The following INPP4B variants were observed in gnomAD, a reference collection of about 807,000 sequenced individuals.
INPP4B encodes inositol polyphosphate-4-phosphatase type II B, also known as inositol polyphosphate 4-phosphatase type II.
INPP4B carries 55 observed loss-of-function variants against 122.5 expected under a neutral mutation model. That is an observed-to-expected ratio of 0.45 (90% CI 0.36 to 0.56). The LOEUF is 0.56. Among genes scored for constraint, INPP4B ranks in the 20% least tolerant of loss-of-function variants. The probability of loss-of-function intolerance (pLI) is 0.00; values close to 1 mark genes in which losing one functional copy is unlikely to be tolerated. For synonymous variants in INPP4B, 403 were observed against 388.7 expected, an observed-to-expected ratio of 1.04 and a Z score of -0.43; for missense variants, 1,000 against 1,097.7, an observed-to-expected ratio of 0.91 and a Z score of 1.26.
chr4:142,613,583 G>A (rs964145574), intron 2 of INPP4B, among the ~76,000 whole-genome samples: 2 of 152,122 alleles, frequency 1.3e-5, no homozygotes, highest in Admixed American at 1.3e-4. Context: ...TCTTTGTAAA[G>A]ACCCTTGACT....
chr4:142,794,797 A>T (rs1777013111), intron 1 of INPP4B, among the ~76,000 whole-genome samples: 1 of 151,906 alleles, frequency 6.6e-6, no homozygotes, highest in Non-Finnish European at 1.5e-5. Context: ...AAGGAGCAAT[A>T]AAAAAACCCC....
chr4:142,806,685 A>G (rs566306677), intron 1 of INPP4B, among the ~76,000 whole-genome samples: 123 of 151,746 alleles, frequency 8.1e-4, no homozygotes, highest in African/African-American at 2.9e-3. Context: ...CGGAGGTTGC[A>G]GTGAGCTGAC....
In INPP4B at chr4:142,657,532, A is replaced by G. The variant is rs569955612; in HGVS notation, c.-191+68307T>C. Among the ~76,000 whole-genome samples, 18 of 152,348 alleles carry G rather than the reference A, an allele frequency of 1.2e-4. No homozygotes were observed. In the South Asian group the frequency reaches 1.2e-3, roughly 11 times the overall value. ...TTGAAACTACTAGAAATAGATTTAC[A>G]TGCAGGGTGTGTAAGAACAGTAAAA... is the stretch of plus-strand genomic sequence containing the variant. On this transcript the variant is annotated intron_variant, in intron 2 of 25. Transcript: ENST00000262992.
chr4:142,086,424 C>G (rs557283526), intron 23 of INPP4B, among the ~76,000 whole-genome samples, 168 bp from the exon 24 acceptor site: 1 of 152,330 alleles, frequency 6.6e-6, no homozygotes, highest in South Asian at 2.1e-4. Flanking sequence ...TCTCTGCTCA[C>G]TGCAGCCCAG....
intron 1 of INPP4B, among the ~76,000 whole-genome samples, chr4:142,751,231 A>C (rs1769646471): frequency 6.6e-6 from 1 of 150,614 alleles, no homozygotes. Flanking sequence ...GCAAACAGAA[A>C]GTTTTGTTTC....
At chr4:142,125,410 A>G (rs1055689097) in intron 18 of INPP4B, among the ~76,000 whole-genome samples, 2 of 152,098 alleles carry the variant, frequency 1.3e-5, no homozygotes, top group African/African-American at 4.8e-5. Context: ...CAAACTCATG[A>G]AAGATTCTCC....
At chr4:142,090,052 G>A (rs534184483) in intron 23 of INPP4B, among the ~76,000 whole-genome samples, 12 of 152,238 alleles carry the variant, frequency 7.9e-5, no homozygotes, top group African/African-American at 2.4e-4. Flanking sequence ...TCTTCAGAAC[G>A]CTGAGACTCC....
rs1415621819 is a variant in INPP4B at position 142,124,678 on chromosome 4, G to C, written c.1803C>G (p.Ser601=). The change falls in exon 19 of 26, where the codon TCC becomes TCG. Residue 601 remains serine (S), a synonymous_variant. Transcript: ENST00000262992. ...MGEVVNRAKQ[S]LTFVLLQELA... is the part of the protein sequence containing the mutation. The stretch of plus-strand genomic sequence containing the variant: ...GTTCCTGAAGGAGCACAAATGTCAG[G>C]GACTGCTTGGCTCGGTTCACCACTT... The C allele has an allele frequency of 6.2e-7, 1 of 1,613,118 alleles. No homozygotes were observed.
At position 142,500,338 on chromosome 4, in the gene INPP4B, A is replaced by C. The variant is rs552014927; in HGVS notation, c.-190-37612T>G. Among the ~76,000 whole-genome samples, 5 of 152,298 alleles carry C rather than the reference A, an allele frequency of 3.3e-5. No individual in the cohort carries two copies. The South Asian group carries it at 1.0e-3, about 32-fold the overall frequency. On this transcript the variant is annotated intron_variant, in intron 2 of 25. Transcript: ENST00000262992. Reference sequence around the variant, plus strand: ...TTGCCCCTGAGGCCAGGACATTACAAGAGGCTTGAAAACTAGAGACTTGAA... The same window carrying C: ...TTGCCCCTGAGGCCAGGACATTACACGAGGCTTGAAAACTAGAGACTTGAA...
chr4:142,204,796 G>C (rs538905949), intron 14 of INPP4B, among the ~76,000 whole-genome samples: 3 of 152,106 alleles, frequency 2.0e-5, no homozygotes, highest in East Asian at 1.9e-4. Flanking sequence ...AGGAAGGGAC[G>C]AGGAAGGATT....
chr4:142,691,798 G>GTCAAAAA (rs1760222829), intron 2 of INPP4B, among the ~76,000 whole-genome samples: 1 of 152,020 alleles, frequency 6.6e-6, no homozygotes, highest in Non-Finnish European at 1.5e-5. Flanking sequence ...TAAAAACTCT[G>GTCAAAAA]CATCAAAAAC....
At chr4:142,538,444 G>A (rs143314970) in intron 2 of INPP4B, among the ~76,000 whole-genome samples, 1 of 152,172 alleles carries the variant, frequency 6.6e-6, no homozygotes, top group African/African-American at 2.4e-5. Flanking sequence ...CACAGATGTA[G>A]TAACGGGAAT....
intron 14 of INPP4B, among the ~76,000 whole-genome samples, chr4:142,204,784 C>A (rs1841999405): frequency 6.6e-6 from 1 of 151,900 alleles, no homozygotes; most frequent in African/African-American, 2.4e-5. Flanking sequence ...CCAGCAGATA[C>A]CAGGAAGGGA....
At chr4:142,400,561 G>A (rs1326354162) in intron 7 of INPP4B, among the ~76,000 whole-genome samples, 1 of 152,052 alleles carries the variant, frequency 6.6e-6, no homozygotes. Flanking sequence ...ATGTCCATAG[G>A]AACTATTAGC....
chr4:142,839,752 G>A (rs1783254979), intron 1 of INPP4B, among the ~76,000 whole-genome samples: 1 of 152,168 alleles, frequency 6.6e-6, no homozygotes, highest in Admixed American at 6.5e-5. Flanking sequence ...GAAACTGGCT[G>A]ATGGGTATGT....
intron 2 of INPP4B, among the ~76,000 whole-genome samples, chr4:142,721,242 C>G (rs888517251): frequency 1.3e-5 from 2 of 152,124 alleles, no homozygotes; most frequent in Admixed American, 6.5e-5. Flanking sequence ...GGCCTAATTT[C>G]TTTTCAGCTT....
chr4:142,368,946 T>C (rs1040473967), intron 7 of INPP4B, among the ~76,000 whole-genome samples: 1 of 151,960 alleles, frequency 6.6e-6, no homozygotes, highest in Middle Eastern at 3.4e-3. Context: ...AAGAAGAGAC[T>C]AGTGTTTTGG....
At chr4:142,376,093 T>C (rs1483239700) in intron 7 of INPP4B, among the ~76,000 whole-genome samples, 1 of 152,072 alleles carries the variant, frequency 6.6e-6, no homozygotes, top group African/African-American at 2.4e-5. Context: ...GTCATTTCTT[T>C]ATAGTTTCTT....
At chr4:142,637,478 T>C (rs1749427385) in intron 2 of INPP4B, among the ~76,000 whole-genome samples, 1 of 152,220 alleles carries the variant, frequency 6.6e-6, no homozygotes, top group African/African-American at 2.4e-5. Flanking sequence ...GATTATTTCA[T>C]TTAATAATAT....
Sources: gnomAD v4.1 joint callset for allele counts (sites outside exome capture counted in the v4.1 genomes callset) on GRCh38, gnomAD v4.1.1 for gene constraint, MANE v1.5 for transcripts, NCBI Gene and HGNC (gene_info 2026-07-23, HGNC 2026-07-21) for gene names.